The following MTHFD1 variants were observed in gnomAD, a reference collection of about 807,000 sequenced individuals.
MTHFD1 encodes methylenetetrahydrofolate dehydrogenase, cyclohydrolase and formyltetrahydrofolate synthetase 1.
Under a neutral mutation model 110.3 loss-of-function variants are expected in MTHFD1, and 44 were observed. The observed-to-expected ratio is 0.40, with a 90% CI of 0.31 to 0.51. The LOEUF (loss-of-function observed/expected upper bound fraction) is 0.51, where lower values mean the gene tolerates loss of function less well. Among genes scored for constraint, MTHFD1 ranks in the 20% least tolerant of loss-of-function variants. MTHFD1 has a pLI of 0.60. For synonymous variants in MTHFD1, 402 were observed against 428.8 expected, an observed-to-expected ratio of 0.94 and a Z score of 0.77; for missense variants, 909 against 1,173.1, an observed-to-expected ratio of 0.77 and a Z score of 3.29.
chr14:64,422,636 T>C (rs1213716785), intron 8 of MTHFD1, among the ~76,000 whole-genome samples: 3 of 152,088 alleles, frequency 2.0e-5, no homozygotes, highest in Non-Finnish European at 2.9e-5. Flanking sequence ...TCTCAACCTA[T>C]CCAGTGTAGC....
chr14:64,454,632 T>C (rs2078435357), intron 25 of MTHFD1, 91 bp from the exon 26 acceptor site: 3 of 1,054,970 alleles, frequency 2.8e-6, no homozygotes, highest in East Asian at 2.4e-5. Context: ...TTCGAATAAA[T>C]TGAAGAATCC....
chr14:64,392,986 T>G lies in MTHFD1; in HGVS notation c.41+4518T>G, dbSNP rs558994373. 2.6e-5 allele frequency among the ~76,000 whole-genome samples: 4 copies of G among 152,354 alleles called. No individual in the cohort carries two copies. The East Asian group carries it at 7.7e-4, about 29-fold the overall frequency. Reference sequence around the variant, plus strand: ...AGCTACAGGGCTAGAAGAACTGTTTTTGTGAAAATAATTTGCTTACCATAG... The same window carrying G: ...AGCTACAGGGCTAGAAGAACTGTTTGTGTGAAAATAATTTGCTTACCATAG... On this transcript the variant is annotated intron_variant, in intron 1 of 27. Coordinates refer to ENST00000652337, the MANE Select transcript of MTHFD1 (RefSeq NM_005956.4).
chr14:64,448,060 G>GA (rs1055706749), intron 22 of MTHFD1, 157 bp from the exon 23 acceptor site: 9 of 682,682 alleles, frequency 1.3e-5, no homozygotes, highest in Non-Finnish European at 2.1e-5. Context: ...CACCGCACTG[G>GA]AAAAAATGCA....
At chr14:64,456,171 A>G (rs2078470053) in intron 26 of MTHFD1, among the ~76,000 whole-genome samples, 2 of 152,128 alleles carry the variant, frequency 1.3e-5, no homozygotes, top group Non-Finnish European at 1.5e-5. Flanking sequence ...CAGGCCAGTG[A>G]GAGTCAGGCT....
chr14:64,441,802 CAA>C (rs35960360), intron 19 of MTHFD1: 28,148 of 459,612 alleles, frequency 0.061, no homozygotes, highest in South Asian at 0.086. Context: ...GACTCCGTGT[CAA>C]AAAAAAAAAA....
At chr14:64,403,280 A>ATT (rs34619335) in intron 2 of MTHFD1, among the ~76,000 whole-genome samples, 3,034 of 148,346 alleles carry the variant, frequency 0.02, 52 homozygotes, top group African/African-American at 0.041. Flanking sequence ...CACCCTGCTA[A>ATT]TTTTTTTTTT....
Position 64,425,778 on chromosome 14 carries a change from A to G in MTHFD1, c.904A>G (p.Lys302Glu), listed in dbSNP as rs1283420932. The G allele has an allele frequency of 3.7e-6, 6 of 1,613,600 alleles. No homozygotes were observed. In the Admixed American group the frequency reaches 8.3e-5, roughly 22 times the overall value. ...TTTCCTGGAGAAATTTAAGCCAGGA[A>G]AGTGGATGATTCAGTATAACAACCT... ...KRFLEKFKPG[K>E]WMIQYNNLNL... The change falls in exon 10 of 28, where the codon AAG (lysine) becomes GAG (glutamate). Residue 302 changes from lysine to glutamate, a missense_variant. By Grantham distance (56) the Lys-to-Glu change is moderately conservative (BLOSUM62 1). This residue lies in a region of MTHFD1 where 424 missense variants were observed against 510.4 expected (regional missense o/e 0.83). Transcript: ENST00000652337.
chr14:64,443,812 T>A (rs2078266982), intron 21 of MTHFD1, among the ~76,000 whole-genome samples: 1 of 152,192 alleles, frequency 6.6e-6, no homozygotes. Flanking sequence ...CAGGATAATG[T>A]CCCATAATGC....
In MTHFD1 at chr14:64,425,653, G is replaced by A. The variant is rs1026395067; in HGVS notation, c.856-77G>A. 5.9e-6 allele frequency: 7 copies of A among 1,182,068 alleles called. No homozygotes were observed. In the African/African-American group the frequency reaches 7.5e-5, roughly 13 times the overall value. The allele number at this position is 1,182,068 out of a possible 1,614,324, so 73.2% of individuals were successfully genotyped here. The stretch of plus-strand genomic sequence containing the variant: ...CAGTTCATTTTGTGATTGAACTGGA[G>A]TGACCTGGAGCTTGAAACTGAGGTG... On this transcript the variant is annotated intron_variant, in intron 9 of 27. Transcript: ENST00000652337.
At chr14:64,440,323 C>T in intron 18 of MTHFD1, 57 bp downstream of exon 18, 1 of 1,601,264 alleles carries the variant, frequency 6.2e-7, no homozygotes, top group Non-Finnish European at 8.6e-7. Flanking sequence ...GTCCTAGGGT[C>T]TTTCAGCAGT....
rs768303666 is a variant in MTHFD1, at chr14:64,444,739, C to T, written c.2178+5C>T. The T allele has an allele frequency of 1.3e-5, 21 of 1,613,832 alleles. No individual in the cohort carries two copies. The highest frequency in any genetic ancestry group is 1.8e-5 in the Non-Finnish European group (21 of 1,179,900). ...CCCAAGGCTTACATACAGGAGGTAA[C>T]CTGAGTTATTTCTCATCACGTGTCC... On this transcript the variant is annotated splice_donor_5th_base_variant and intron_variant, in intron 22 of 27. Transcript: ENST00000652337.
At chr14:64,439,367 G>C in intron 17 of MTHFD1, 195 bp downstream of exon 17, 1 of 607,562 alleles carries the variant, frequency 1.6e-6, no homozygotes. Context: ...TGTGTCACCT[G>C]TGTGTTTTTC....
chr14:64,459,219 G>T (rs2078523830), intron 27 of MTHFD1, among the ~76,000 whole-genome samples: 2 of 152,188 alleles, frequency 1.3e-5, no homozygotes, highest in Admixed American at 1.3e-4. Flanking sequence ...TTAGCAAAAT[G>T]AGGAATTAAC....
At chr14:64,448,528 G>C in intron 23 of MTHFD1, 1 of 579,796 alleles carries the variant, frequency 1.7e-6, no homozygotes, top group South Asian at 2.0e-5. Context: ...AGCTCCTATG[G>C]GCCCTTTTCC....
chr14:64,400,159 TG>T, intron 1 of MTHFD1, among the ~76,000 whole-genome samples: 2 of 148,770 alleles, frequency 1.3e-5, no homozygotes, highest in Admixed American at 1.4e-4. Flanking sequence ...GAAGCTGAGG[TG>T]GGGGGATCAC....
intron 18 of MTHFD1, chr14:64,440,512 C>A: frequency 1.9e-6 from 1 of 537,306 alleles, no homozygotes; most frequent in Non-Finnish European, 3.4e-6. Flanking sequence ...ACATCTTCAT[C>A]CTGTGGGCAT....
Position 64,427,324 on chromosome 14 carries a change from T to C in MTHFD1, c.1128-13T>C, listed in dbSNP as rs755197763. 6.2e-7 allele frequency: 1 copy of C among 1,614,142 alleles called. No homozygotes were observed. Among genetic ancestry groups the C allele is most frequent in the Admixed American group, 1.7e-5 (1 of 60,030 alleles). On this transcript the variant is annotated splice_polypyrimidine_tract_variant and intron_variant, in intron 11 of 27. Transcript: ENST00000652337. The stretch of plus-strand genomic sequence containing the variant: ...TTCTTTAAACCTTTTTCTCTTTTGC[T>C]TTCGTCTTGAAGAATAACTCCAACA...
At chr14:64,437,832 TG>T (rs898089508) in intron 16 of MTHFD1, among the ~76,000 whole-genome samples, 1 of 152,124 alleles carries the variant, frequency 6.6e-6, no homozygotes, top group African/African-American at 2.4e-5. Context: ...TCCCAGCACC[TG>T]GATGTGTTCA....
intron 25 of MTHFD1, among the ~76,000 whole-genome samples, chr14:64,454,505 GGA>G (rs1421400800): frequency 6.6e-6 from 1 of 150,944 alleles, no homozygotes; most frequent in African/African-American, 2.4e-5. Flanking sequence ...ATTCACTTGT[GGA>G]CTACAGTTGT....
Sources: gnomAD v4.1 joint callset for allele counts (sites outside exome capture counted in the v4.1 genomes callset) on GRCh38, gnomAD v4.1.1 for gene constraint, gnomAD v4.1.1 regional missense constraint, MANE v1.5 for transcripts, NCBI Gene and HGNC (gene_info 2026-07-23, HGNC 2026-07-21) for gene names.